Variants in PIAS4 observed in about 807,000 individuals in gnomAD.
The protein encoded by PIAS4 is E3 SUMO-protein ligase PIAS4.
PIAS4 carries 7 observed loss-of-function variants against 58.0 expected under a neutral mutation model. That is an observed-to-expected ratio of 0.12 (90% CI 0.07 to 0.23). PIAS4 has a LOEUF of 0.23. PIAS4 is among the 10% of genes least tolerant of loss of function. The pLI is 1.00. For synonymous variants in PIAS4, 364 were observed against 312.4 expected (o/e 1.17, Z -1.74); for missense variants, 550 against 709.5 (o/e 0.78, Z 2.55).
At chr19:4,011,725 G>T (rs1187813051) in intron 1 of PIAS4, among the ~76,000 whole-genome samples, 1,216 of 72,784 alleles carry the variant, frequency 0.017, 66 homozygotes, top group Middle Eastern at 0.034. Flanking sequence ...GGAGGTGTGT[G>T]GGGTGTGGAG....
At chr19:4,029,271 G>T (rs372907541) in intron 7 of PIAS4, among the ~76,000 whole-genome samples, 1 of 152,294 alleles carries the variant, frequency 6.6e-6, no homozygotes, top group East Asian at 1.9e-4. Context: ...GTCACACCTC[G>T]TGTTGCTGGC....
rs1036023293 is a variant in PIAS4, at chr19:4,013,931, C to G, written c.454+582C>G. 6.6e-6 allele frequency among the ~76,000 whole-genome samples: 1 copy of G among 152,084 alleles called. No individual in the cohort carries two copies. The highest frequency in any genetic ancestry group is 1.5e-5 in the Non-Finnish European group (1 of 67,990). ...TCTCCCCCACAGAGTCCGTTGCTCACACAGACTCTGTGGCGCATGCAGGGA... is the reference window on the plus strand; with the variant it reads ...TCTCCCCCACAGAGTCCGTTGCTCAGACAGACTCTGTGGCGCATGCAGGGA... On this transcript the variant is annotated intron_variant, in intron 2 of 10. Coordinates refer to ENST00000262971, the MANE Select transcript of PIAS4 (RefSeq NM_015897.4). This position sits in a 1 kb window ranked among gnomAD's most constrained non-coding sequence, Gnocchi z 5.1.
rs199937848 is a variant in PIAS4 at position 4,028,975 on chromosome 19, G to A, written c.846G>A (p.Ser282=). Residue 282 remains serine, a synonymous_variant, in exon 7 of 11, where the codon TCG becomes TCA. Coordinates refer to ENST00000262971, the MANE Select transcript of PIAS4 (RefSeq NM_015897.4). ...ACCTGGTGCGGCAGCTGACCTCATC[G>A]GAGCTGCTGCAGAGGCTGAAGACCA... ...ALYLVRQLTS[S]ELLQRLKTIG... 61 of 1,611,008 alleles carry A rather than the reference G, an allele frequency of 3.8e-5. No homozygotes were observed. Among genetic ancestry groups the A allele is most frequent in the Middle Eastern group, 1.6e-4 (1 of 6,062 alleles).
rs987484257 is a variant in PIAS4 at position 4,037,107 on chromosome 19, A to G, written c.1143-267A>G. ...TGCCACACTCCCTGCTCTTGTGGGTAGTTGGGGGCCACTGGGTATGTGTGT... is the reference window on the plus strand; with the variant it reads ...TGCCACACTCCCTGCTCTTGTGGGTGGTTGGGGGCCACTGGGTATGTGTGT... On this transcript the variant is annotated intron_variant, in intron 9 of 10. Transcript: ENST00000262971. This position sits in a 1 kb window ranked among gnomAD's most constrained non-coding sequence, Gnocchi z 5.8. 6.6e-6 allele frequency among the ~76,000 whole-genome samples: 1 copy of G among 152,190 alleles called. No homozygotes were observed. Among genetic ancestry groups the G allele is most frequent in the African/African-American group, 2.4e-5 (1 of 41,462 alleles).
chr19:4,015,837 G>A (rs1231255073), intron 2 of PIAS4, among the ~76,000 whole-genome samples: 1 of 152,248 alleles, frequency 6.6e-6, no homozygotes, highest in African/African-American at 2.4e-5. Flanking sequence ...GCCGGCTCCA[G>A]GATGGAGACC....
At chr19:4,034,046 C>T (rs952063340) in intron 9 of PIAS4, among the ~76,000 whole-genome samples, 2 of 152,222 alleles carry the variant, frequency 1.3e-5, no homozygotes, top group African/African-American at 4.8e-5. Context: ...TGTGGCCAGG[C>T]ATTCCCCAGG....
chr19:4,027,341 G>C (rs945079974), intron 3 of PIAS4, among the ~76,000 whole-genome samples: 1 of 152,158 alleles, frequency 6.6e-6, no homozygotes, highest in Admixed American at 6.5e-5. Context: ...CGGTGCACCT[G>C]TGCTGAGGCC....
At chr19:4,028,394 T>C in intron 4 of PIAS4, 116 bp from the exon 5 acceptor site, 1 of 844,126 alleles carries the variant, frequency 1.2e-6, no homozygotes, top group Non-Finnish European at 1.9e-6. Flanking sequence ...ACCCCCCGTG[T>C]CACATTCTCC....
chr19:4,037,459 G>C lies in PIAS4; in HGVS notation c.1228G>C (p.Glu410Gln). The change falls in exon 10 of 11, where the codon GAA becomes CAA. Residue 410 changes from glutamate to glutamine, a missense_variant. Glu to Gln is a conservative substitution (Grantham distance 29). Transcript: ENST00000262971. This position sits in a 1 kb window ranked among gnomAD's most constrained non-coding sequence, Gnocchi z 5.8. ...VDGSWCPIRA[E>Q]KERSCSPQGA... Reference sequence around the variant, plus strand: ...CGGCTCGTGGTGCCCGATCCGCGCCGAAAAGGAGCGCAGCTGCAGCCCGCA... The same window carrying C: ...CGGCTCGTGGTGCCCGATCCGCGCCCAAAAGGAGCGCAGCTGCAGCCCGCA... 1 of 1,611,536 alleles carries C rather than the reference G, an allele frequency of 6.2e-7. No individual in the cohort carries two copies. Among genetic ancestry groups the C allele is most frequent in the Non-Finnish European group, 8.5e-7 (1 of 1,179,464 alleles).
At chr19:4,035,839 C>T (rs982545107) in intron 9 of PIAS4, among the ~76,000 whole-genome samples, 1,977 of 146,542 alleles carry the variant, frequency 0.013, 1 homozygote, top group African/African-American at 0.045. Context: ...ATCACACACA[C>T]ACCCGCACAC....
chr19:4,022,966 G>A (rs1010213302), intron 2 of PIAS4, among the ~76,000 whole-genome samples: 1 of 151,630 alleles, frequency 6.6e-6, no homozygotes, highest in Non-Finnish European at 1.5e-5. Context: ...GAGGTCGGGA[G>A]TTCGAGAGCA....
At chr19:4,029,072 A>G (rs2040197648) in intron 7 of PIAS4, 36 bp downstream of exon 7, 1 of 1,488,854 alleles carries the variant, frequency 6.7e-7, no homozygotes, top group Non-Finnish European at 9.2e-7. Flanking sequence ...GAGGGGTGCC[A>G]AGTCCACCCT....
At chr19:4,025,542 C>T (rs2040154613) in intron 3 of PIAS4, among the ~76,000 whole-genome samples, 1 of 152,204 alleles carries the variant, frequency 6.6e-6, no homozygotes, top group African/African-American at 2.4e-5. Flanking sequence ...GACCCACCGC[C>T]CCCACCTGCT....
At chr19:4,015,975 G>A (rs556614134) in intron 2 of PIAS4, among the ~76,000 whole-genome samples, 5 of 152,304 alleles carry the variant, frequency 3.3e-5, no homozygotes, top group South Asian at 2.1e-4. Flanking sequence ...GGGAGGTGCC[G>A]TGTGTGGGGA....
rs376311207 is a variant in PIAS4 at position 4,037,537 on chromosome 19, G to A, written c.1273+33G>A. 2.6e-5 allele frequency: 42 copies of A among 1,607,612 alleles called. 1 individual carries two copies. The Middle Eastern group carries it at 6.6e-4, about 25-fold the overall frequency. ...CCTCACCCCACCAGCCGCGCAGTCC[G>A]CAGCCAGGGCCGCCTCAGTTTCCCC... On this transcript the variant is annotated intron_variant, in intron 10 of 10. Coordinates refer to ENST00000262971, the MANE Select transcript of PIAS4 (RefSeq NM_015897.4). The surrounding 1 kb of genome is among the most constrained non-coding windows in gnomAD (Gnocchi z 5.8).
At chr19:4,018,000 C>CG (rs1164598944) in intron 2 of PIAS4, among the ~76,000 whole-genome samples, 1 of 151,996 alleles carries the variant, frequency 6.6e-6, no homozygotes, top group African/African-American at 2.4e-5. Flanking sequence ...TTAATGGAGA[C>CG]GGGGTTTCGT....
chr19:4,014,757 G>A (rs2040034250), intron 2 of PIAS4, among the ~76,000 whole-genome samples: 3 of 152,222 alleles, frequency 2.0e-5, no homozygotes, highest in Non-Finnish European at 2.9e-5. Context: ...TCTCTGGCAC[G>A]CTTCAGTCCA....
At position 4,038,207 on chromosome 19, in the gene PIAS4, C is replaced by G. The variant is rs1411821561; in HGVS notation, c.*332C>G. 2 of 281,996 alleles carry G rather than the reference C, an allele frequency of 7.1e-6. No individual in the cohort carries two copies. The highest frequency in any genetic ancestry group is 3.8e-5 in the South Asian group (1 of 26,282). 17.5% of individuals were successfully genotyped at this position (281,996 alleles called of 1,614,324 possible). A position where few individuals can be genotyped will look rare whatever the true frequency, so the allele number is the denominator to read the frequency against. ...TGGGCGGGAGGGACCAGGACGCCGC[C>G]CCGCGCCCTCCCCTCCGGATGCCCC... On this transcript the variant is annotated 3_prime_UTR_variant, in exon 11 of 11. Coordinates refer to ENST00000262971, the MANE Select transcript of PIAS4 (RefSeq NM_015897.4). The surrounding 1 kb of genome is among the most constrained non-coding windows in gnomAD (Gnocchi z 4.1).
chr19:4,015,290 G>A (rs932646758), intron 2 of PIAS4, among the ~76,000 whole-genome samples: 3 of 152,178 alleles, frequency 2.0e-5, no homozygotes, highest in African/African-American at 7.2e-5. Context: ...TCCAGGGCGG[G>A]GGACGGGGCT....
Sources: gnomAD v4.1 joint callset for allele counts (sites outside exome capture counted in the v4.1 genomes callset) on GRCh38, gnomAD v4.1.1 for gene constraint, Gnocchi (gnomAD v3.1) non-coding constraint, MANE v1.5 for transcripts, NCBI Gene and HGNC (gene_info 2026-07-23, HGNC 2026-07-21) for gene names.